Variants in CCDC148 observed in about 807,000 individuals in gnomAD.
CCDC148 encodes coiled-coil domain containing 148, also known as coiled-coil domain-containing protein 148.
In CCDC148, 89 loss-of-function variants were observed where a neutral mutation model predicts 85.7. The observed-to-expected ratio is 1.04, with a 90% CI of 0.87 to 1.24. The LOEUF (loss-of-function observed/expected upper bound fraction) is 1.24. Ranked by LOEUF, CCDC148 falls within the 50% of genes most tolerant of loss-of-function variation. The pLI is 0.00. For missense variants in CCDC148, 692 were observed against 671.7 expected, an observed-to-expected ratio of 1.03 and a Z score of -0.33; for synonymous variants, 230 against 213.9, an observed-to-expected ratio of 1.08 and a Z score of -0.66.
At chr2:158,263,060 C>T (rs76236067) in intron 9 of CCDC148, among the ~76,000 whole-genome samples, 2,083 of 152,076 alleles carry the variant, frequency 0.014, 96 homozygotes, top group Admixed American at 0.086. Flanking sequence ...TCCCCTTGCC[C>T]TCTCTGTCTC....
chr2:158,271,886 A>G (rs1689714731), intron 9 of CCDC148, among the ~76,000 whole-genome samples: 1 of 152,124 alleles, frequency 6.6e-6, no homozygotes, highest in Non-Finnish European at 1.5e-5. Flanking sequence ...AACCAAGCTT[A>G]CTGATTTTGT....
At chr2:158,396,786 G>A (rs540986975) in intron 1 of CCDC148, among the ~76,000 whole-genome samples, 1 of 152,044 alleles carries the variant, frequency 6.6e-6, no homozygotes, top group South Asian at 2.1e-4. Context: ...CTAAGACAAT[G>A]ATGATGACTA....
At chr2:158,203,623 T>A (rs1574394057) in intron 11 of CCDC148, among the ~76,000 whole-genome samples, 1 of 152,130 alleles carries the variant, frequency 6.6e-6, no homozygotes, top group East Asian at 1.9e-4. Context: ...TTGTTTCACA[T>A]GGTCTCAAAC....
At chr2:158,302,971 C>T (rs1022884176) in intron 9 of CCDC148, among the ~76,000 whole-genome samples, 3 of 152,074 alleles carry the variant, frequency 2.0e-5, no homozygotes, top group Non-Finnish European at 4.4e-5. Flanking sequence ...CCTCCCTTTA[C>T]TCTCATCCTC....
chr2:158,186,649 G>A (rs763447914), intron 11 of CCDC148, among the ~76,000 whole-genome samples: 29 of 151,858 alleles, frequency 1.9e-4, no homozygotes, highest in Admixed American at 2.0e-4. Flanking sequence ...TTCAGATACC[G>A]TCTTTTTTTC....
intron 1 of CCDC148, among the ~76,000 whole-genome samples, chr2:158,403,794 G>A (rs2105308214): frequency 6.6e-6 from 1 of 151,910 alleles, no homozygotes; most frequent in Non-Finnish European, 1.5e-5. Context: ...CAGATGAATG[G>A]GCTGAATAAA....
intron 10 of CCDC148, among the ~76,000 whole-genome samples, chr2:158,235,005 G>A (rs1026405581): frequency 6.6e-6 from 1 of 152,138 alleles, no homozygotes; most frequent in Non-Finnish European, 1.5e-5. Flanking sequence ...AAGAAAGGAT[G>A]AGGAAAATAA....
chr2:158,196,019 T>C (rs890490156), intron 11 of CCDC148, among the ~76,000 whole-genome samples: 1 of 152,128 alleles, frequency 6.6e-6, no homozygotes, highest in Admixed American at 6.6e-5. Flanking sequence ...CATGATTTCT[T>C]CCATCAGCTG....
intron 9 of CCDC148, among the ~76,000 whole-genome samples, chr2:158,264,713 T>G (rs1047043080): frequency 6.6e-6 from 1 of 152,026 alleles, no homozygotes; most frequent in Admixed American, 6.6e-5. Context: ...AAATCAATTC[T>G]CTGAGTACTC....
rs146835512 is a variant in CCDC148 at position 158,371,148 on chromosome 2, A to T, written c.26-12578T>A. On this transcript the variant is annotated intron_variant, in intron 1 of 13. Coordinates refer to ENST00000283233, the MANE Select transcript of CCDC148 (RefSeq NM_138803.4). ...TGCCTATTTTACCAATTAAAAAAGA[A>T]ATTGGATTTCATGACATCAAGAATC... Among the ~76,000 whole-genome samples the T allele has an allele frequency of 7.4e-3, 1,123 of 152,106 alleles. 20 individuals are homozygous for T. Among genetic ancestry groups the T allele is most frequent in the African/African-American group, 0.026 (1,071 of 41,536 alleles).
intron 1 of CCDC148, among the ~76,000 whole-genome samples, chr2:158,422,363 G>A (rs1425595614): frequency 6.6e-6 from 1 of 152,074 alleles, no homozygotes; most frequent in African/African-American, 2.4e-5. Context: ...ACCGAATCCA[G>A]CATATCAAAA....
chr2:158,194,299 G>A (rs1174125398), intron 11 of CCDC148, among the ~76,000 whole-genome samples: 1 of 152,040 alleles, frequency 6.6e-6, no homozygotes, highest in Non-Finnish European at 1.5e-5. Context: ...CAAGTAAAAG[G>A]AGTAGATATT....
chr2:158,424,649 T>C (rs965692899), intron 1 of CCDC148: 3 of 176,922 alleles, frequency 1.7e-5, no homozygotes, highest in African/African-American at 7.2e-5. Flanking sequence ...CACACCAACA[T>C]GGCACATGTA....
At chr2:158,311,783 A>T (rs960381002) in intron 8 of CCDC148, among the ~76,000 whole-genome samples, 1 of 152,176 alleles carries the variant, frequency 6.6e-6, no homozygotes, top group Admixed American at 6.5e-5. Flanking sequence ...GGATGCCTAA[A>T]CTTAAAGTAA....
At chr2:158,385,813 T>C (rs551981546) in intron 1 of CCDC148, among the ~76,000 whole-genome samples, 2 of 152,232 alleles carry the variant, frequency 1.3e-5, no homozygotes, top group African/African-American at 4.8e-5. Context: ...TTTGGCAAGA[T>C]AGGGCCTCTT....
intron 1 of CCDC148, among the ~76,000 whole-genome samples, chr2:158,439,427 C>G (rs193122446): frequency 3.6e-3 from 554 of 152,084 alleles, no homozygotes; most frequent in Non-Finnish European, 5.4e-3. Context: ...ATTGAACAAT[C>G]AGAACACTTG....
rs114145928 is a variant in CCDC148 at position 158,443,357 on chromosome 2, G to C, written c.25+13058C>G. On this transcript the variant is annotated intron_variant, in intron 1 of 13. Coordinates refer to ENST00000283233, the MANE Select transcript of CCDC148 (RefSeq NM_138803.4). ...AAATAACAATAATGATAACAAAAAT[G>C]ATCAAGTGTAGTGGCCTGTGCCTGT... 4.9e-3 allele frequency among the ~76,000 whole-genome samples: 739 copies of C among 151,862 alleles called. 2 individuals are homozygous for C. The highest frequency in any genetic ancestry group is 0.016 in the African/African-American group (667 of 41,454).
intron 1 of CCDC148, among the ~76,000 whole-genome samples, chr2:158,453,914 C>A (rs910477518): frequency 6.6e-6 from 1 of 152,164 alleles, no homozygotes. Flanking sequence ...CTCCCCACCC[C>A]TACTTTCCAG....
At chr2:158,394,946 C>T (rs1326285450) in intron 1 of CCDC148, among the ~76,000 whole-genome samples, 1 of 152,060 alleles carries the variant, frequency 6.6e-6, no homozygotes, top group East Asian at 1.9e-4. Context: ...AATCCTATCC[C>T]TTAGAGAGAG....
Sources: allele counts gnomAD v4.1 joint callset (sites outside exome capture counted in the v4.1 genomes callset), GRCh38; gene constraint gnomAD v4.1.1; transcripts MANE v1.5; gene names NCBI Gene and HGNC (gene_info 2026-07-23, HGNC 2026-07-21).